The following WWOX variants were observed in gnomAD, a reference collection of about 807,000 sequenced individuals.
WWOX encodes WW domain-containing oxidoreductase.
A neutral mutation model predicts 46.2 loss-of-function variants in WWOX; 69 were observed. The ratio of observed to expected loss-of-function variants is 1.49; its 90% CI spans 1.23 to 1.82. WWOX has a LOEUF of 1.82. WWOX is among the 40% of genes most tolerant of loss of function. The probability of loss-of-function intolerance (pLI) is 0.00; values close to 1 mark genes in which losing one functional copy is unlikely to be tolerated. For synonymous variants in WWOX, 359 were observed against 202.6 expected, an observed-to-expected ratio of 1.77 and a Z score of -6.56; for missense variants, 919 against 542.6, an observed-to-expected ratio of 1.69 and a Z score of -6.89.
rs374851802 is a variant in WWOX, at chr16:79,206,925, C to G, written c.1057-4683C>G. On this transcript the variant is annotated intron_variant, in intron 8 of 8. Transcript: ENST00000566780. ...TGGATAGTGAGTAGGGAACAAGTGGCCTTTTGGAGCAGTTTGCTTTCATTT... is the reference window on the plus strand; with the variant it reads ...TGGATAGTGAGTAGGGAACAAGTGGGCTTTTGGAGCAGTTTGCTTTCATTT... Among the ~76,000 whole-genome samples, 20 of 152,180 alleles carry G rather than the reference C, an allele frequency of 1.3e-4. No individual in the cohort carries two copies. The East Asian group carries it at 3.7e-3, about 28-fold the overall frequency.
intron 8 of WWOX, among the ~76,000 whole-genome samples, chr16:78,878,584 G>T (rs149772015): frequency 6.6e-6 from 1 of 152,242 alleles, no homozygotes; most frequent in African/African-American, 2.4e-5. Flanking sequence ...ATTTTACAGG[G>T]TTGCTATGAG....
intron 4 of WWOX, among the ~76,000 whole-genome samples, chr16:78,126,236 C>T (rs555260632): frequency 4.6e-5 from 7 of 152,220 alleles, no homozygotes; most frequent in African/African-American, 1.4e-4. Context: ...TGTACCCATC[C>T]GTGACTCTTC....
chr16:78,536,907 T>C (rs796389719), intron 8 of WWOX, among the ~76,000 whole-genome samples: 1 of 151,422 alleles, frequency 6.6e-6, no homozygotes, highest in East Asian at 1.9e-4. Flanking sequence ...AAGTCTTTTT[T>C]TTTTTTTTTT....
chr16:79,130,765 G>C lies in WWOX; in HGVS notation c.1057-80843G>C, dbSNP rs1250726237. ...ATCGCCACAATGTATTACAGATGCA[G>C]AGTCTTCATCTTGTTGGGCTGTGAT... On this transcript the variant is annotated intron_variant, in intron 8 of 8. Coordinates refer to ENST00000566780, the MANE Select transcript of WWOX (RefSeq NM_016373.4). Among the ~76,000 whole-genome samples, 5 of 151,942 alleles carry C rather than the reference G, an allele frequency of 3.3e-5. No homozygotes were observed. In the South Asian group the frequency reaches 6.2e-4, roughly 19 times the overall value.
intron 8 of WWOX, among the ~76,000 whole-genome samples, chr16:79,112,451 C>G (rs1335431699): frequency 6.6e-6 from 1 of 152,174 alleles, no homozygotes; most frequent in African/African-American, 2.4e-5. Context: ...CTGGGGGCTT[C>G]CAGCTTCCCC....
intron 5 of WWOX, among the ~76,000 whole-genome samples, chr16:78,203,881 C>G (rs989525673): frequency 6.6e-6 from 1 of 152,202 alleles, no homozygotes; most frequent in Admixed American, 6.5e-5. Context: ...GGAAAGAGCC[C>G]TGTGCATGGC....
At position 78,961,171 on chromosome 16, in the gene WWOX, A is replaced by T. The variant is rs544359162; in HGVS notation, c.1057-250437A>T. ...TCCAGATCATAGTCTCCTAAAAGCC[A>T]GGGGTCCTTTATGCAGGGATGGTGA... On this transcript the variant is annotated intron_variant, in intron 8 of 8. Coordinates refer to ENST00000566780, the MANE Select transcript of WWOX (RefSeq NM_016373.4). Among the ~76,000 whole-genome samples, 32 of 152,326 alleles carry T rather than the reference A, an allele frequency of 2.1e-4. No homozygotes were observed. In the South Asian group the frequency reaches 6.2e-3, roughly 30 times the overall value.
At chr16:79,047,494 G>C (rs1484480233) in intron 8 of WWOX, among the ~76,000 whole-genome samples, 1 of 151,740 alleles carries the variant, frequency 6.6e-6, no homozygotes, top group South Asian at 2.1e-4. Flanking sequence ...AAATGATGTC[G>C]TTAATGCACA....
At chr16:78,595,273 G>A (rs2045460748) in intron 8 of WWOX, among the ~76,000 whole-genome samples, 1 of 143,670 alleles carries the variant, frequency 7.0e-6, no homozygotes, top group Admixed American at 7.3e-5. Context: ...AATGGCAGGA[G>A]CAACTGGAAA....
In WWOX at chr16:78,417,880, A is replaced by G. The variant is rs914570592; in HGVS notation, c.606-6990A>G. 6.6e-5 allele frequency among the ~76,000 whole-genome samples: 10 copies of G among 152,314 alleles called. No individual in the cohort carries two copies. In the South Asian group the frequency reaches 8.3e-4, roughly 13 times the overall value. ...AACTGCAACTGACCCCAACCACACCATGACTTTTCAGGTTTTAGGTAGGGG... is the reference window on the plus strand; with the variant it reads ...AACTGCAACTGACCCCAACCACACCGTGACTTTTCAGGTTTTAGGTAGGGG... On this transcript the variant is annotated intron_variant, in intron 6 of 8. Coordinates refer to ENST00000566780, the MANE Select transcript of WWOX (RefSeq NM_016373.4).
intron 8 of WWOX, among the ~76,000 whole-genome samples, chr16:78,457,942 G>C (rs1420573499): frequency 7.0e-6 from 1 of 142,310 alleles, no homozygotes; most frequent in Admixed American, 6.8e-5. Flanking sequence ...GCTGGGCGTA[G>C]TGGCAGGTGC....
intron 8 of WWOX, among the ~76,000 whole-genome samples, chr16:78,989,450 C>G (rs1016367981): frequency 6.1e-4 from 93 of 152,312 alleles, no homozygotes; most frequent in African/African-American, 2.0e-3. Context: ...GCATCCTGCC[C>G]ATGCTGGCTT....
At chr16:78,544,348 C>T (rs908349533) in intron 8 of WWOX, among the ~76,000 whole-genome samples, 1 of 152,216 alleles carries the variant, frequency 6.6e-6, no homozygotes, top group African/African-American at 2.4e-5. Flanking sequence ...TGAGAGCACT[C>T]TTCTGAACAT....
intron 5 of WWOX, among the ~76,000 whole-genome samples, chr16:78,351,334 C>T (rs6564526): frequency 0.71 from 107,238 of 152,102 alleles, 38,649 homozygotes; most frequent in African/African-American, 0.76. Flanking sequence ...ATAATAATTC[C>T]GCAGAAAAAA....
chr16:78,697,373 G>A (rs1353957632), intron 8 of WWOX, among the ~76,000 whole-genome samples: 2 of 152,052 alleles, frequency 1.3e-5, no homozygotes, highest in African/African-American at 4.8e-5. Flanking sequence ...GGAGTAAGAT[G>A]GTATCGCAAA....
intron 8 of WWOX, among the ~76,000 whole-genome samples, chr16:78,490,229 A>G (rs569098464): frequency 9.6e-4 from 145 of 151,732 alleles, no homozygotes; most frequent in African/African-American, 3.4e-3. Context: ...GGGTGATAAT[A>G]TATGGTCCCA....
chr16:78,752,805 C>G (rs983883545), intron 8 of WWOX, among the ~76,000 whole-genome samples: 1 of 152,188 alleles, frequency 6.6e-6, no homozygotes, highest in Non-Finnish European at 1.5e-5. Flanking sequence ...CACATAATTA[C>G]TTAAATGGCC....
chr16:79,137,754 C>T (rs983542815), intron 8 of WWOX, among the ~76,000 whole-genome samples: 1 of 152,104 alleles, frequency 6.6e-6, no homozygotes, highest in African/African-American at 2.4e-5. Flanking sequence ...CCAGCCTGGC[C>T]TCTGTCCCCT....
intron 8 of WWOX, among the ~76,000 whole-genome samples, chr16:78,516,256 G>T (rs1296233742): frequency 6.6e-6 from 1 of 152,142 alleles, no homozygotes; most frequent in Non-Finnish European, 1.5e-5. Context: ...GCCAAATGCA[G>T]GGAGGGTTTG....
Sources: allele counts gnomAD v4.1 joint callset (sites outside exome capture counted in the v4.1 genomes callset), GRCh38; gene constraint gnomAD v4.1.1; transcripts MANE v1.5; gene names NCBI Gene and HGNC (gene_info 2026-07-23, HGNC 2026-07-21).